The following MYO1F variants were observed in gnomAD, a reference collection of about 807,000 sequenced individuals.
MYO1F encodes unconventional myosin-If.
Under a neutral mutation model 146.6 loss-of-function variants are expected in MYO1F, and 60 were observed. That is an observed-to-expected ratio of 0.41 (90% CI 0.33 to 0.51). The LOEUF is 0.51. MYO1F is among the 20% of genes least tolerant of loss of function. The pLI, the probability that MYO1F is intolerant of heterozygous loss-of-function variation, is 0.25. For missense variants in MYO1F, 1,274 were observed against 1,534.3 expected (o/e 0.83, Z 2.83); for synonymous variants, 602 against 602.1 (o/e 1.00, Z 0.00).
chr19:8,564,568 C>T (rs79405287), intron 1 of MYO1F, among the ~76,000 whole-genome samples: 1 of 152,024 alleles, frequency 6.6e-6, no homozygotes, highest in African/African-American at 2.4e-5. Context: ...AGGGGAGGCC[C>T]AGATGGGACG....
Position 8,522,357 on chromosome 19 carries a change from T to A in MYO1F, c.3220+20A>T. ...TTCTTACCACTCCCCTCACCCCAGC[T>A]TCTGCCCTGGTACACACACCTTCCA... On this transcript the variant is annotated intron_variant, in intron 27 of 27. Coordinates refer to ENST00000644032, the MANE Select transcript of MYO1F (RefSeq NM_012335.4). 6.2e-7 allele frequency: 1 copy of A among 1,613,840 alleles called. No homozygotes were observed.
intron 15 of MYO1F, chr19:8,540,235 A>G (rs1270519080): frequency 3.9e-6 from 2 of 509,688 alleles, no homozygotes; most frequent in South Asian, 3.2e-5. Flanking sequence ...GTTGGGGCGC[A>G]TTGGTGCGAT....
At chr19:8,561,063 A>G (rs1428420576) in intron 1 of MYO1F, among the ~76,000 whole-genome samples, 3 of 151,622 alleles carry the variant, frequency 2.0e-5, no homozygotes, top group Non-Finnish European at 4.4e-5. Flanking sequence ...TAAATATTTC[A>G]TAGAGACATG....
Position 8,522,672 on chromosome 19 carries a change from G to A in MYO1F, c.3012C>T (p.Asn1004=). ...GGTCAGGCACGTTGAGGAATTCTGTGTTGTGCTCTGAGGGCGGACGTGCCC... is the reference window on the plus strand; with the variant it reads ...GGTCAGGCACGTTGAGGAATTCTGTATTGTGCTCTGAGGGCGGACGTGCCC... ...RPRARPPSEH[N]TEFLNVPDQG... is the part of the protein sequence containing the mutation. The change falls in exon 26 of 28, where the codon AAC becomes AAT. Residue 1004 remains asparagine (N), a synonymous_variant. Coordinates refer to ENST00000644032, the MANE Select transcript of MYO1F (RefSeq NM_012335.4). The A allele has an allele frequency of 6.2e-7, 1 of 1,613,980 alleles. No homozygotes were observed. Among genetic ancestry groups the A allele is most frequent in the Non-Finnish European group, 8.5e-7 (1 of 1,179,992 alleles).
intron 15 of MYO1F, among the ~76,000 whole-genome samples, chr19:8,540,939 A>T (rs761328969): frequency 5.3e-5 from 8 of 152,024 alleles, no homozygotes; most frequent in African/African-American, 1.2e-4. Flanking sequence ...GATAGTTCAG[A>T]ATCAGATGCA....
At chr19:8,546,408 G>A (rs947531027) in intron 12 of MYO1F, among the ~76,000 whole-genome samples, 2 of 151,482 alleles carry the variant, frequency 1.3e-5, no homozygotes, top group South Asian at 4.2e-4. Flanking sequence ...TACCCAGGCT[G>A]GAACTCAGCG....
At chr19:8,552,195 A>G (rs1003853398) in intron 6 of MYO1F, 31 bp from the exon 7 acceptor site, 1 of 1,613,356 alleles carries the variant, frequency 6.2e-7, no homozygotes, top group Admixed American at 1.7e-5. Flanking sequence ...TCAGCACCCC[A>G]GTGTCCTGGG....
chr19:8,544,538 A>C, intron 13 of MYO1F, 74 bp from the exon 14 acceptor site: 2 of 1,066,008 alleles, frequency 1.9e-6, no homozygotes, highest in Non-Finnish European at 2.6e-6. Flanking sequence ...CAGTGCAGAG[A>C]TTAGGGGAGG....
At chr19:8,554,875 C>G in intron 2 of MYO1F, 132 bp from the exon 3 acceptor site, 1 of 872,750 alleles carries the variant, frequency 1.1e-6, no homozygotes, top group African/African-American at 1.7e-5. Context: ...ATGGATGCAC[C>G]TCGAGTCTCT....
intron 15 of MYO1F, 54 bp from the exon 16 acceptor site, chr19:8,540,082 C>T (rs1972896460): frequency 1.4e-6 from 2 of 1,468,952 alleles, no homozygotes; most frequent in Non-Finnish European, 1.9e-6. Context: ...CTTTCGGGTA[C>T]TCTTCCTCCA....
Position 8,540,169 on chromosome 19 carries a change from C to T in MYO1F, c.1611-141G>A, listed in dbSNP as rs1240129474. Reference sequence around the variant, plus strand: ...GAGGGGAGCTGTGATGGGTGAGATGCAGAGGGTTGGTTTTTTGGTTTGTTT... The same window carrying T: ...GAGGGGAGCTGTGATGGGTGAGATGTAGAGGGTTGGTTTTTTGGTTTGTTT... On this transcript the variant is annotated intron_variant, in intron 15 of 27. Transcript: ENST00000644032. 6 of 641,884 alleles carry T rather than the reference C, an allele frequency of 9.3e-6. No individual in the cohort carries two copies. The East Asian group carries it at 1.7e-4, about 18-fold the overall frequency. 39.8% of individuals were successfully genotyped at this position (641,884 alleles called of 1,614,324 possible).
chr19:8,553,894 A>ACACACACACACACACACACACTCT, intron 4 of MYO1F, among the ~76,000 whole-genome samples: 76 of 102,648 alleles, frequency 7.4e-4, no homozygotes, highest in African/African-American at 2.2e-3. Flanking sequence ...ACACACACAC[A>ACACACACACACACACACACACTCT]CTCTCTCTCT....
At chr19:8,532,093 G>C (rs1422353699) in intron 19 of MYO1F, among the ~76,000 whole-genome samples, 3 of 151,770 alleles carry the variant, frequency 2.0e-5, no homozygotes, top group Non-Finnish European at 4.4e-5. Context: ...ACTCCAGCCT[G>C]GGCGACAGAG....
At chr19:8,557,561 C>G (rs549280140) in intron 1 of MYO1F, among the ~76,000 whole-genome samples, 77 of 152,300 alleles carry the variant, frequency 5.1e-4, no homozygotes, top group African/African-American at 1.8e-3. Flanking sequence ...CTCAGTCCCC[C>G]AAAGTGGTGG....
At chr19:8,543,886 T>C (rs544959527) in intron 14 of MYO1F, among the ~76,000 whole-genome samples, 3 of 69,142 alleles carry the variant, frequency 4.3e-5, no homozygotes, top group Non-Finnish European at 5.7e-5. Context: ...CTGGTGGTGG[T>C]GGTGGTGGTG....
At chr19:8,526,706 A>C in intron 23 of MYO1F, 83 bp downstream of exon 23, 1 of 1,531,856 alleles carries the variant, frequency 6.5e-7, no homozygotes, top group Non-Finnish European at 8.8e-7. Context: ...GCCGAAGCGC[A>C]GTTCGGCCGG....
In MYO1F at chr19:8,577,339, G is replaced by A. The variant is rs1568384097; in HGVS notation, c.-30C>T. The A allele has an allele frequency of 6.2e-7, 1 of 1,613,936 alleles. No individual in the cohort carries two copies. The highest frequency in any genetic ancestry group is 1.1e-5 in the South Asian group (1 of 91,036). Reference sequence around the variant, plus strand: ...GGGGGCTGGTGTCTGGGCTCCTGGAGGCTCCTGAATGGGTCGTGATGGAGG... The same window carrying A: ...GGGGGCTGGTGTCTGGGCTCCTGGAAGCTCCTGAATGGGTCGTGATGGAGG... On this transcript the variant is annotated 5_prime_UTR_variant, in exon 1 of 28. Transcript: ENST00000644032. This position sits in a 1 kb window ranked among gnomAD's most constrained non-coding sequence, Gnocchi z 4.3.
In MYO1F at chr19:8,551,929, A is replaced by T. The variant is rs56935925; in HGVS notation, c.637-55T>A. ...GTGCTTGCCTGGCTCAGCCCCTGTG[A>T]TCCCTCATCTGCCCTGCCATGCCCC... On this transcript the variant is annotated intron_variant, in intron 7 of 27. Transcript: ENST00000644032. 106,317 of 1,613,518 alleles carry T rather than the reference A, an allele frequency of 0.066. 5,818 individuals are homozygous for T. Among genetic ancestry groups the T allele is most frequent in the South Asian group, 0.18 (15,940 of 91,062 alleles).
chr19:8,523,260 C>T (rs758784614), intron 25 of MYO1F, among the ~76,000 whole-genome samples: 1 of 152,228 alleles, frequency 6.6e-6, no homozygotes, highest in South Asian at 2.1e-4. Context: ...GTCTCGATCT[C>T]CTGACCTTGT....
Sources: gnomAD v4.1 joint callset for allele counts (sites outside exome capture counted in the v4.1 genomes callset) on GRCh38, gnomAD v4.1.1 for gene constraint, Gnocchi (gnomAD v3.1) non-coding constraint, MANE v1.5 for transcripts, NCBI Gene and HGNC (gene_info 2026-07-23, HGNC 2026-07-21) for gene names.